The following TNFSF4 variants were observed in gnomAD, a reference collection of about 807,000 sequenced individuals.
TNFSF4 encodes tumor necrosis factor ligand superfamily member 4.
Under a neutral mutation model 7.3 loss-of-function variants are expected in TNFSF4, and 4 were observed. That is an observed-to-expected ratio of 0.55 (90% CI 0.27 to 1.25). The LOEUF (loss-of-function observed/expected upper bound fraction) is 1.25. TNFSF4 is among the 50% of genes most tolerant of loss of function. TNFSF4 has a pLI of 0.12. For synonymous variants in TNFSF4, 76 were observed against 83.7 expected (o/e 0.91, Z 0.50); for missense variants, 181 against 208.8 (o/e 0.87, Z 0.82).
the TNFSF4 span, among the ~76,000 whole-genome samples, chr1:173,312,667 C>A: frequency 5.3e-5 from 8 of 152,092 alleles, no homozygotes; most frequent in Non-Finnish European, 1.5e-5. Flanking sequence ...CAGGCTCAGG[C>A]ATAAACTGTG....
the TNFSF4 span, among the ~76,000 whole-genome samples, chr1:173,226,534 T>C: frequency 6.6e-6 from 1 of 152,244 alleles, no homozygotes; most frequent in Admixed American, 6.5e-5. Context: ...TTACATGAGA[T>C]ATAAACTTCT....
the TNFSF4 span, among the ~76,000 whole-genome samples, chr1:173,391,305 T>TG: frequency 5.6e-5 from 5 of 88,750 alleles, no homozygotes; most frequent in Non-Finnish European, 9.2e-5. Context: ...TTTCTCTTTC[T>TG]TTCTGTCTCT....
At chr1:173,181,085 T>C (rs1459658158), downstream of TNFSF4, among the ~76,000 whole-genome samples, 2 of 152,222 alleles carry the variant, frequency 1.3e-5, no homozygotes, top group Non-Finnish European at 2.9e-5. Context: ...TAGAATGTTA[T>C]ACCTTGAAAC....
At position 173,185,432 on chromosome 1, in the gene TNFSF4, G is replaced by T. The variant is rs1487182467; in HGVS notation, c.*1084C>A. 1.3e-5 allele frequency: 2 copies of T among 152,076 alleles called. No individual in the cohort carries two copies. The highest frequency in any genetic ancestry group is 2.9e-5 in the Non-Finnish European group (2 of 68,012). The allele number at this position is 152,076 out of a possible 1,614,324, so 9.4% of individuals were successfully genotyped here. ...AATTATCAATGTGAGACTATATATG[G>T]TCTATGGTATTTCTAGACAGAGATC... On this transcript the variant is annotated 3_prime_UTR_variant, in exon 3 of 3. Coordinates refer to ENST00000281834, the MANE Select transcript of TNFSF4 (RefSeq NM_003326.5).
At chr1:173,189,020 C>T (rs996434458) in intron 1 of TNFSF4, among the ~76,000 whole-genome samples, 1 of 152,122 alleles carries the variant, frequency 6.6e-6, no homozygotes, top group Non-Finnish European at 1.5e-5. Flanking sequence ...TCGCCATGCC[C>T]GGCCCTGACT....
chr1:173,286,206 C>A, the TNFSF4 span, among the ~76,000 whole-genome samples: 1 of 152,166 alleles, frequency 6.6e-6, no homozygotes, highest in Non-Finnish European at 1.5e-5. Flanking sequence ...TCAATCCCAA[C>A]TTAAGAACCC....
the TNFSF4 span, among the ~76,000 whole-genome samples, chr1:173,244,884 T>C: frequency 6.6e-6 from 1 of 152,164 alleles, no homozygotes; most frequent in South Asian, 2.1e-4. Flanking sequence ...ATAGAGTGTG[T>C]TACTTCTCAG....
chr1:173,379,056 A>G, the TNFSF4 span, among the ~76,000 whole-genome samples: 1 of 152,046 alleles, frequency 6.6e-6, no homozygotes, highest in East Asian at 1.9e-4. Context: ...GTCTAGGGCA[A>G]ACCTTCAATC....
the TNFSF4 span, among the ~76,000 whole-genome samples, chr1:173,310,822 T>G: frequency 6.6e-6 from 1 of 151,978 alleles, no homozygotes; most frequent in South Asian, 2.1e-4. Context: ...GCATACAAAT[T>G]TAAAATTATT....
chr1:173,350,155 A>G, the TNFSF4 span, among the ~76,000 whole-genome samples: 3,313 of 152,310 alleles, frequency 0.022, 272 homozygotes, highest in Admixed American at 0.15. Context: ...AAGTTCCTCT[A>G]TGTGAAGGCT....
the TNFSF4 span, among the ~76,000 whole-genome samples, chr1:173,270,023 T>G: frequency 1.7e-4 from 26 of 152,252 alleles, no homozygotes; most frequent in Admixed American, 7.2e-4. Context: ...GTGAGAATAC[T>G]CTGAAAGCAG....
At chr1:173,197,879 T>C (rs910677022) in intron 1 of TNFSF4, among the ~76,000 whole-genome samples, 1 of 152,168 alleles carries the variant, frequency 6.6e-6, no homozygotes. Context: ...CAATTGACCA[T>C]AAATGTGCAG....
At chr1:173,243,005 G>GGGGA in the TNFSF4 span, among the ~76,000 whole-genome samples, 1 of 31,878 alleles carries the variant, frequency 3.1e-5, no homozygotes, top group Non-Finnish European at 6.6e-5. Flanking sequence ...GTTGGTGGGT[G>GGGGA]GGGGGGGGGG....
the TNFSF4 span, among the ~76,000 whole-genome samples, chr1:173,356,729 T>C: frequency 4.1e-3 from 630 of 152,348 alleles, 3 homozygotes; most frequent in African/African-American, 0.015. Flanking sequence ...TGGTTGCCAA[T>C]TGCCTTTGAG....
At chr1:173,400,252 A>G in the TNFSF4 span, among the ~76,000 whole-genome samples, 1 of 152,222 alleles carries the variant, frequency 6.6e-6, no homozygotes, top group Admixed American at 6.5e-5. Context: ...TTGAAGACTC[A>G]ATTATAGCAC....
the TNFSF4 span, among the ~76,000 whole-genome samples, chr1:173,378,947 G>A: frequency 1.3e-4 from 19 of 149,884 alleles, no homozygotes; most frequent in East Asian, 2.0e-4. Flanking sequence ...GGCCCATCCC[G>A]AGTACATGTC....
chr1:173,250,585 G>A, the TNFSF4 span, among the ~76,000 whole-genome samples: 5 of 151,652 alleles, frequency 3.3e-5, no homozygotes, highest in South Asian at 6.3e-4. Context: ...TCAGCCTCCC[G>A]AGTAGCTGGG....
At chr1:173,307,379 C>A in the TNFSF4 span, among the ~76,000 whole-genome samples, 2 of 151,840 alleles carry the variant, frequency 1.3e-5, no homozygotes, top group African/African-American at 4.8e-5. Context: ...ATGTACACAA[C>A]AACTAGCTTA....
At chr1:173,425,316 A>G in the TNFSF4 span, among the ~76,000 whole-genome samples, 1 of 152,206 alleles carries the variant, frequency 6.6e-6, no homozygotes, top group African/African-American at 2.4e-5. Flanking sequence ...TTGACAGAAA[A>G]GGAAAAACAA....
Sources: gnomAD v4.1 joint callset for allele counts (sites outside exome capture counted in the v4.1 genomes callset) on GRCh38, gnomAD v4.1.1 for gene constraint, MANE v1.5 for transcripts, NCBI Gene and HGNC (gene_info 2026-07-23, HGNC 2026-07-21) for gene names.